NCAM2: variants seen among roughly 807,000 people sequenced by gnomAD.
The protein encoded by NCAM2 is neural cell adhesion molecule 2, also known as N-CAM-2.
In NCAM2, 30 loss-of-function variants were observed where a neutral mutation model predicts 98.1. The ratio of observed to expected loss-of-function variants is 0.31; its 90% confidence interval spans 0.23 to 0.41. The LOEUF is 0.41. Among genes scored for constraint, NCAM2 ranks in the 10% least tolerant of loss-of-function variants. NCAM2 has a pLI of 1.00. For synonymous variants in NCAM2, 368 were observed against 342.4 expected, an observed-to-expected ratio of 1.07 and a Z score of -0.83; for missense variants, 867 against 1,005.8, an observed-to-expected ratio of 0.86 and a Z score of 1.87.
chr21:21,077,310 A>T (rs2065700403), intron 1 of NCAM2, among the ~76,000 whole-genome samples: 1 of 152,220 alleles, frequency 6.6e-6, no homozygotes, highest in South Asian at 2.1e-4. Context: ...TAAGCCTAAA[A>T]GAGAAAACAT....
At chr21:21,308,809 T>G (rs1325575046) in intron 5 of NCAM2, among the ~76,000 whole-genome samples, 3 of 152,164 alleles carry the variant, frequency 2.0e-5, no homozygotes, top group African/African-American at 7.2e-5. Context: ...TTTCAGAAAA[T>G]AATCTTATCT....
intron 1 of NCAM2, among the ~76,000 whole-genome samples, chr21:21,264,684 TAC>T (rs1010618625): frequency 2.0e-5 from 3 of 149,648 alleles, no homozygotes; most frequent in Admixed American, 1.3e-4. Flanking sequence ...CACACATATA[TAC>T]ACACACATAC....
At chr21:21,195,563 A>G (rs2068974745) in intron 1 of NCAM2, among the ~76,000 whole-genome samples, 1 of 152,224 alleles carries the variant, frequency 6.6e-6, no homozygotes, top group African/African-American at 2.4e-5. Flanking sequence ...CTCAAAATTG[A>G]CATTAATATA....
chr21:21,226,144 G>A (rs79191772), intron 1 of NCAM2, among the ~76,000 whole-genome samples: 14,652 of 151,838 alleles, frequency 0.096, 730 homozygotes, highest in South Asian at 0.13. Flanking sequence ...CAATAGACAC[G>A]GGATTTCAAA....
intron 9 of NCAM2, among the ~76,000 whole-genome samples, chr21:21,386,179 T>G (rs2076267841): frequency 6.6e-6 from 1 of 152,174 alleles, no homozygotes; most frequent in Non-Finnish European, 1.5e-5. Context: ...ATGTACATTC[T>G]CTATATATAA....
At chr21:21,133,668 A>C (rs1215124112) in intron 1 of NCAM2, among the ~76,000 whole-genome samples, 1 of 152,206 alleles carries the variant, frequency 6.6e-6, no homozygotes, top group Admixed American at 6.5e-5. Flanking sequence ...ATCTCATAGA[A>C]TTATTCTCAA....
At chr21:21,502,771 C>G (rs1347361488) in intron 15 of NCAM2, among the ~76,000 whole-genome samples, 1 of 151,918 alleles carries the variant, frequency 6.6e-6, no homozygotes. Context: ...CTGCATCCAA[C>G]AATATCTCTT....
intron 1 of NCAM2, among the ~76,000 whole-genome samples, chr21:21,263,022 A>G (rs1462918729): frequency 1.3e-5 from 2 of 152,096 alleles, no homozygotes; most frequent in African/African-American, 4.8e-5. Context: ...GGAATTCAAT[A>G]TGAGATTTGG....
intron 9 of NCAM2, among the ~76,000 whole-genome samples, chr21:21,408,556 T>C (rs2076790307): frequency 6.6e-6 from 1 of 152,122 alleles, no homozygotes; most frequent in East Asian, 1.9e-4. Flanking sequence ...ATGATAGGAT[T>C]CACAGCACCA....
At chr21:21,094,310 C>T (rs1446743709) in intron 1 of NCAM2, among the ~76,000 whole-genome samples, 1 of 151,690 alleles carries the variant, frequency 6.6e-6, no homozygotes, top group Non-Finnish European at 1.5e-5. Flanking sequence ...ATGCAAACAA[C>T]ATAGAAAATA....
At position 21,239,054 on chromosome 21, in the gene NCAM2, G is replaced by A. The variant is rs565201924; in HGVS notation, c.56-41524G>A. Among the ~76,000 whole-genome samples the A allele has an allele frequency of 3.3e-5, 5 of 152,194 alleles. No individual in the cohort carries two copies. In the South Asian group the frequency reaches 6.2e-4, roughly 19 times the overall value. On this transcript the variant is annotated intron_variant, in intron 1 of 17. Transcript: ENST00000400546. ...GTCAGCATTTATTGAGCAATAAACG[G>A]GGGGTGGGGTTGACATTGTACAAAG...
intron 1 of NCAM2, among the ~76,000 whole-genome samples, chr21:21,079,154 A>T (rs537944910): frequency 2.9e-4 from 44 of 152,316 alleles, no homozygotes; most frequent in Middle Eastern, 3.4e-3. Flanking sequence ...TATCTATGTA[A>T]CAAACCTGCA....
chr21:21,508,713 C>A, intron 15 of NCAM2, 138 bp from the exon 16 acceptor site: 1 of 671,530 alleles, frequency 1.5e-6, no homozygotes, highest in Non-Finnish European at 2.2e-6. Context: ...GTTACTATGA[C>A]TTTATTCTGT....
chr21:21,190,431 G>T (rs1374276076), intron 1 of NCAM2, among the ~76,000 whole-genome samples: 1 of 152,132 alleles, frequency 6.6e-6, no homozygotes, highest in Non-Finnish European at 1.5e-5. Flanking sequence ...AGGGGCAAGA[G>T]AAGAAATTTC....
intron 1 of NCAM2, among the ~76,000 whole-genome samples, chr21:21,039,949 A>C (rs559024744): frequency 6.6e-6 from 1 of 152,290 alleles, no homozygotes; most frequent in South Asian, 2.1e-4. Flanking sequence ...CTTCCCAGAG[A>C]GGGGACTCTG....
chr21:21,510,584 A>C (rs1988306310), intron 16 of NCAM2, among the ~76,000 whole-genome samples: 1 of 50,134 alleles, frequency 2.0e-5, no homozygotes, highest in Non-Finnish European at 3.8e-5. Flanking sequence ...AAGGTCTCAT[A>C]CTGTTTTATA....
At chr21:21,074,503 G>A (rs183884053) in intron 1 of NCAM2, among the ~76,000 whole-genome samples, 197 of 152,196 alleles carry the variant, frequency 1.3e-3, no homozygotes, top group African/African-American at 4.7e-3. Flanking sequence ...TCACCATGAA[G>A]GTTTACTTTC....
At chr21:21,147,914 C>A (rs1173657260) in intron 1 of NCAM2, among the ~76,000 whole-genome samples, 1 of 151,296 alleles carries the variant, frequency 6.6e-6, no homozygotes, top group Non-Finnish European at 1.5e-5. Context: ...GGATGAATAA[C>A]ATATAGGATA....
chr21:21,287,646 G>A (rs950359910), intron 4 of NCAM2, among the ~76,000 whole-genome samples: 2 of 151,886 alleles, frequency 1.3e-5, no homozygotes, highest in Admixed American at 6.6e-5. Context: ...TTTATTAGTA[G>A]AATATTTTGA....
Sources: allele counts gnomAD v4.1 joint callset (sites outside exome capture counted in the v4.1 genomes callset), GRCh38; gene constraint gnomAD v4.1.1; transcripts MANE v1.5; gene names NCBI Gene and HGNC (gene_info 2026-07-23, HGNC 2026-07-21).